DCLK1: variants seen among roughly 807,000 people sequenced by gnomAD.
DCLK1 encodes doublecortin like kinase 1.
Under a neutral mutation model 86.2 loss-of-function variants are expected in DCLK1, and 16 were observed. The observed-to-expected ratio is 0.19, with a 90% CI of 0.13 to 0.28. DCLK1 has a LOEUF of 0.28. Ranked by LOEUF, DCLK1 falls within the 10% of genes least tolerant of loss-of-function variation. The pLI, the probability that DCLK1 is intolerant of heterozygous loss-of-function variation, is 1.00. For synonymous variants in DCLK1, 369 were observed against 370.5 expected, an observed-to-expected ratio of 1.00 and a Z score of 0.05; for missense variants, 590 against 940.2, an observed-to-expected ratio of 0.63 and a Z score of 4.87.
intron 4 of DCLK1, among the ~76,000 whole-genome samples, chr13:35,913,119 G>C (rs539538371): frequency 9.2e-4 from 140 of 152,324 alleles, no homozygotes; most frequent in Non-Finnish European, 1.8e-3. Context: ...TTCCAGGGCA[G>C]TGTCTTGTAC....
chr13:35,804,338 T>A (rs1213009269), intron 15 of DCLK1, among the ~76,000 whole-genome samples: 1 of 149,620 alleles, frequency 6.7e-6, no homozygotes, highest in Admixed American at 6.7e-5. Flanking sequence ...TTAGCCATGT[T>A]GGCCAGGCTG....
chr13:36,110,280 G>T (rs891541996), intron 3 of DCLK1, among the ~76,000 whole-genome samples: 1 of 152,118 alleles, frequency 6.6e-6, no homozygotes, highest in African/African-American at 2.4e-5. Context: ...AAGCCAGCAT[G>T]AACTTTCTGG....
intron 11 of DCLK1, among the ~76,000 whole-genome samples, chr13:35,812,927 T>TA (rs1419343240): frequency 1.3e-5 from 2 of 152,216 alleles, no homozygotes; most frequent in Non-Finnish European, 2.9e-5. Context: ...CTTGGTCACT[T>TA]AGAGTTAAGT....
At position 36,024,683 on chromosome 13, in the gene DCLK1, A is replaced by G. The variant is rs147694682; in HGVS notation, c.724-77226T>C. Among the ~76,000 whole-genome samples the G allele has an allele frequency of 2.7e-3, 404 of 152,298 alleles. 3 individuals carry two copies. Among genetic ancestry groups the G allele is most frequent in the African/African-American group, 8.7e-3 (362 of 41,578 alleles). On this transcript the variant is annotated intron_variant, in intron 3 of 16. Coordinates refer to ENST00000360631, the MANE Select transcript of DCLK1 (RefSeq NM_001330071.2). The stretch of plus-strand genomic sequence containing the variant: ...TTCCAAATTCTTCTACAGATTCAAC[A>G]TTATCCCCATTGAAAATCTCAGCTG...
intron 3 of DCLK1, among the ~76,000 whole-genome samples, chr13:35,975,813 C>T (rs1229659117): frequency 6.6e-6 from 1 of 152,174 alleles, no homozygotes; most frequent in Non-Finnish European, 1.5e-5. Context: ...GGCCACGCTC[C>T]CTTGCCTTTT....
chr13:35,860,288 C>T (rs1421871289), intron 5 of DCLK1, among the ~76,000 whole-genome samples: 1 of 145,398 alleles, frequency 6.9e-6, no homozygotes, highest in Non-Finnish European at 1.5e-5. Flanking sequence ...TTGCTTGCCA[C>T]ATTATTGAGA....
chr13:36,018,947 A>G (rs1004465406), intron 3 of DCLK1, among the ~76,000 whole-genome samples: 1 of 152,172 alleles, frequency 6.6e-6, no homozygotes, highest in Non-Finnish European at 1.5e-5. Context: ...GATAGCGCAC[A>G]TATCCAAATG....
At chr13:35,971,514 G>GGGATTA (rs1167708430) in intron 3 of DCLK1, among the ~76,000 whole-genome samples, 1 of 152,150 alleles carries the variant, frequency 6.6e-6, no homozygotes, top group African/African-American at 2.4e-5. Flanking sequence ...TGTAATCCCA[G>GGGATTA]CACTTTGGGA....
intron 3 of DCLK1, among the ~76,000 whole-genome samples, chr13:36,091,045 C>T (rs1400628088): frequency 6.6e-6 from 1 of 152,130 alleles, no homozygotes; most frequent in Non-Finnish European, 1.5e-5. Flanking sequence ...TTGTTCTTTT[C>T]CTGTAAATTT....
At chr13:36,109,749 C>A (rs146136485) in intron 3 of DCLK1, among the ~76,000 whole-genome samples, 1 of 152,292 alleles carries the variant, frequency 6.6e-6, no homozygotes, top group African/African-American at 2.4e-5. Flanking sequence ...ACGGCTGAGC[C>A]AAGACTTGAA....
At chr13:36,075,211 G>A (rs1253252188) in intron 3 of DCLK1, among the ~76,000 whole-genome samples, 1 of 152,186 alleles carries the variant, frequency 6.6e-6, no homozygotes, top group Non-Finnish European at 1.5e-5. Flanking sequence ...AATCATCTGC[G>A]TGGTTTTAAA....
At chr13:36,094,400 A>T (rs1309344135) in intron 3 of DCLK1, among the ~76,000 whole-genome samples, 2 of 152,196 alleles carry the variant, frequency 1.3e-5, no homozygotes, top group Admixed American at 6.5e-5. Context: ...AACAACAGAT[A>T]GTTAGAATAA....
At chr13:35,796,933 C>G (rs939242571) in intron 15 of DCLK1, among the ~76,000 whole-genome samples, 1 of 152,206 alleles carries the variant, frequency 6.6e-6, no homozygotes, top group Non-Finnish European at 1.5e-5. Context: ...TGGGAATCAT[C>G]TGGTGGTCAA....
At chr13:35,895,045 C>T (rs1873871585) in intron 4 of DCLK1, among the ~76,000 whole-genome samples, 1 of 152,140 alleles carries the variant, frequency 6.6e-6, no homozygotes, top group Non-Finnish European at 1.5e-5. Flanking sequence ...CTCCTTGACT[C>T]AAGTAATCCT....
intron 4 of DCLK1, among the ~76,000 whole-genome samples, chr13:35,905,260 C>T (rs2153123343): frequency 6.6e-6 from 1 of 152,318 alleles, no homozygotes; most frequent in Admixed American, 6.5e-5. Context: ...GTGTTTTCCA[C>T]CCCCAGCTCC....
At chr13:36,122,192 T>C (rs1276395708) in intron 2 of DCLK1, among the ~76,000 whole-genome samples, 2 of 152,042 alleles carry the variant, frequency 1.3e-5, no homozygotes, top group African/African-American at 4.8e-5. Context: ...TCCCTAACTG[T>C]GGGGTGAAGC....
chr13:36,126,718 A>T (rs1344258662), intron 1 of DCLK1, among the ~76,000 whole-genome samples: 3 of 152,216 alleles, frequency 2.0e-5, no homozygotes, highest in African/African-American at 7.2e-5. Context: ...CTGTCAGCAG[A>T]AGAGGCCGAT....
intron 13 of DCLK1, 84 bp from the exon 14 acceptor site, chr13:35,808,404 C>T: frequency 9.3e-7 from 1 of 1,080,440 alleles, no homozygotes. Flanking sequence ...CACTGGAGCC[C>T]TTCCTTTCCC....
intron 3 of DCLK1, among the ~76,000 whole-genome samples, chr13:36,006,615 C>T (rs1290362101): frequency 1.3e-5 from 2 of 152,238 alleles, no homozygotes; most frequent in East Asian, 1.9e-4. Flanking sequence ...GGGGGCGCAG[C>T]CCTGAAAGGA....
Sources: gnomAD v4.1 joint callset for allele counts (sites outside exome capture counted in the v4.1 genomes callset) on GRCh38, gnomAD v4.1.1 for gene constraint, MANE v1.5 for transcripts, NCBI Gene and HGNC (gene_info 2026-07-23, HGNC 2026-07-21) for gene names.